The following ATR variants were observed in gnomAD, a reference collection of about 807,000 sequenced individuals.
ATR encodes ATR checkpoint kinase.
ATR carries 142 observed loss-of-function variants against 305.3 expected under a neutral mutation model. The observed-to-expected ratio is 0.47, with a 90% CI of 0.41 to 0.53. ATR has a LOEUF of 0.53. ATR is among the 20% of genes least tolerant of loss of function. ATR has a pLI of 0.00. For missense variants in ATR, 2,135 were observed against 3,133.1 expected, an observed-to-expected ratio of 0.68 and a Z score of 7.60; for synonymous variants, 1,050 against 1,068.1, an observed-to-expected ratio of 0.98 and a Z score of 0.33.
intron 43 of ATR, 23 bp downstream of exon 43, chr3:142,459,204 G>A (rs746160642): frequency 1.1e-5 from 17 of 1,613,488 alleles, no homozygotes; most frequent in South Asian, 3.3e-5. Flanking sequence ...CCATAACAAC[G>A]TATTATATTC....
intron 36 of ATR, among the ~76,000 whole-genome samples, chr3:142,471,354 A>G (rs552047971): frequency 3.9e-5 from 6 of 152,178 alleles, no homozygotes; most frequent in Non-Finnish European, 7.3e-5. Context: ...TAATCTCCCA[A>G]TGAACTCTTG....
intron 35 of ATR, among the ~76,000 whole-genome samples, chr3:142,492,803 T>C (rs1169296298): frequency 2.0e-5 from 3 of 152,184 alleles, no homozygotes; most frequent in African/African-American, 7.2e-5. Context: ...ACCATCTATA[T>C]AAAGTTTAAT....
At chr3:142,520,542 T>C (rs753233471) in intron 23 of ATR, among the ~76,000 whole-genome samples, 127 of 152,188 alleles carry the variant, frequency 8.3e-4, no homozygotes, top group African/African-American at 2.8e-3. Flanking sequence ...ATTTCTGATA[T>C]AGAGAAAGTT....
intron 10 of ATR, 141 bp downstream of exon 10, chr3:142,555,736 T>C (rs1303369510): frequency 2.8e-6 from 3 of 1,070,332 alleles, no homozygotes; most frequent in Non-Finnish European, 2.6e-6. Flanking sequence ...ATCCCATTTA[T>C]AACTAATCAA....
rs562748150 is a variant in ATR, at chr3:142,457,921, T to C, written c.7504-166A>G. On this transcript the variant is annotated intron_variant, in intron 44 of 46. Coordinates refer to ENST00000350721, the MANE Select transcript of ATR (RefSeq NM_001184.4). ...GTAACATGAAGGAGCCATGTAGCTC[T>C]GCCTTTGCTTTTACAGAACTGAAAC... The C allele has an allele frequency of 5.4e-6, 4 of 743,928 alleles. No homozygotes were observed. In the South Asian group the frequency reaches 7.5e-5, roughly 14 times the overall value. The allele number at this position is 743,928 out of a possible 1,614,324, so 46.1% of individuals were successfully genotyped here. A position where few individuals can be genotyped will look rare whatever the true frequency, so the allele number is the denominator to read the frequency against.
intron 45 of ATR, 58 bp downstream of exon 45, chr3:142,457,546 G>A: frequency 6.2e-7 from 1 of 1,602,920 alleles, no homozygotes; most frequent in South Asian, 1.1e-5. Context: ...ACATATGTAG[G>A]GGCCAATAAT....
intron 13 of ATR, among the ~76,000 whole-genome samples, chr3:142,551,138 A>C (rs1238462645): frequency 1.3e-5 from 2 of 152,204 alleles, no homozygotes; most frequent in Non-Finnish European, 2.9e-5. Context: ...AAAACCAGGC[A>C]CAGTGGCTCA....
At chr3:142,530,210 G>C (rs2033583989) in intron 21 of ATR, among the ~76,000 whole-genome samples, 1 of 151,788 alleles carries the variant, frequency 6.6e-6, no homozygotes, top group African/African-American at 2.4e-5. Flanking sequence ...CTCCCCTGTA[G>C]TTCTTGTAAT....
intron 13 of ATR, among the ~76,000 whole-genome samples, chr3:142,551,325 G>A (rs1218687723): frequency 6.6e-6 from 1 of 152,110 alleles, no homozygotes; most frequent in Non-Finnish European, 1.5e-5. Flanking sequence ...TACTCAAGAG[G>A]CTAAAGTGGG....
Position 142,537,599 on chromosome 3 carries a change from A to G in ATR, c.3725+883T>C, listed in dbSNP as rs59162393. ...AAACACATTAACTTTTCCTTCTTCT[A>G]TGATTTCTCCCTCATTAGACAGTTA... On this transcript the variant is annotated intron_variant, in intron 19 of 46. Transcript: ENST00000350721. 3.3e-3 allele frequency among the ~76,000 whole-genome samples: 505 copies of G among 152,332 alleles called. 5 individuals are homozygous for G. The highest frequency in any genetic ancestry group is 0.012 in the African/African-American group (487 of 41,582).
intron 13 of ATR, among the ~76,000 whole-genome samples, chr3:142,551,561 C>G (rs1373213204): frequency 1.3e-5 from 2 of 152,146 alleles, no homozygotes; most frequent in Non-Finnish European, 2.9e-5. Flanking sequence ...CTGACAAAAA[C>G]AAGCAACAGG....
chr3:142,468,662 A>G (rs2071186025), intron 38 of ATR, among the ~76,000 whole-genome samples: 1 of 152,168 alleles, frequency 6.6e-6, no homozygotes, highest in South Asian at 2.1e-4. Flanking sequence ...ATGAATTCCC[A>G]TTAATGATGC....
intron 35 of ATR, among the ~76,000 whole-genome samples, chr3:142,490,808 T>A (rs1379722828): frequency 1.3e-5 from 2 of 152,220 alleles, no homozygotes; most frequent in African/African-American, 4.8e-5. Context: ...AATAAAATCA[T>A]CAGGCAATCT....
chr3:142,462,120 C>T (rs1341439101), intron 41 of ATR, 30 bp from the exon 42 acceptor site: 1 of 1,584,320 alleles, frequency 6.3e-7, no homozygotes, highest in African/African-American at 1.3e-5. Context: ...AATTTAAAAA[C>T]AAGATAGAAC....
chr3:142,494,448 T>C lies in ATR; in HGVS notation c.5899-1137A>G, dbSNP rs140966712. On this transcript the variant is annotated intron_variant, in intron 34 of 46. Coordinates refer to ENST00000350721, the MANE Select transcript of ATR (RefSeq NM_001184.4). ...TGCTAAGTGTTACAACAGAGGAATA[T>C]ACATCAGCATTATACAGGATAGAGA... Among the ~76,000 whole-genome samples, 496 of 152,318 alleles carry C rather than the reference T, an allele frequency of 3.3e-3. 1 individual carries two copies. The highest frequency in any genetic ancestry group is 0.011 in the African/African-American group (453 of 41,568).
At chr3:142,492,532 C>T (rs2031349355) in intron 35 of ATR, among the ~76,000 whole-genome samples, 1 of 152,074 alleles carries the variant, frequency 6.6e-6, no homozygotes, top group South Asian at 2.1e-4. Flanking sequence ...TTATTATTTC[C>T]TTTCTTCTAC....
chr3:142,559,589 T>C, intron 6 of ATR, 148 bp from the exon 7 acceptor site: 2 of 778,890 alleles, frequency 2.6e-6, no homozygotes, highest in Non-Finnish European at 4.2e-6. Context: ...AAGTAATATG[T>C]TATTACTATT....
rs549820583 is a variant in ATR, at chr3:142,496,698, T to C, written c.5739-178A>G. 2.0e-5 allele frequency among the ~76,000 whole-genome samples: 3 copies of C among 152,262 alleles called. No individual in the cohort carries two copies. The South Asian group carries it at 6.2e-4, about 32-fold the overall frequency. ...CTATTTCAAAGGAATTAATTATTAATTTGTTTAAAAAGCCTTGACTTAACT... is the reference window on the plus strand; with the variant it reads ...CTATTTCAAAGGAATTAATTATTAACTTGTTTAAAAAGCCTTGACTTAACT... On this transcript the variant is annotated intron_variant, in intron 33 of 46. Transcript: ENST00000350721.
At chr3:142,482,396 C>A (rs1390133526) in intron 36 of ATR, among the ~76,000 whole-genome samples, 1 of 152,172 alleles carries the variant, frequency 6.6e-6, no homozygotes, top group Non-Finnish European at 1.5e-5. Context: ...AAAATACTCA[C>A]TATACATAAC....
Sources: gnomAD v4.1 joint callset for allele counts (sites outside exome capture counted in the v4.1 genomes callset) on GRCh38, gnomAD v4.1.1 for gene constraint, MANE v1.5 for transcripts, NCBI Gene and HGNC (gene_info 2026-07-23, HGNC 2026-07-21) for gene names.